Variants in ABL1 observed in about 807,000 individuals in gnomAD.
The protein encoded by ABL1 is tyrosine-protein kinase ABL1.
In ABL1, 11 loss-of-function variants were observed where a neutral mutation model predicts 94.7. That is an observed-to-expected ratio of 0.12 (90% confidence interval 0.07 to 0.19). The LOEUF is 0.19. Ranked by LOEUF, ABL1 falls within the 10% of genes least tolerant of loss-of-function variation. The pLI, the probability that ABL1 is intolerant of heterozygous loss-of-function variation, is 1.00. For synonymous variants in ABL1, 656 were observed against 622.4 expected (o/e 1.05, Z -0.80); for missense variants, 1,082 against 1,489.4 (o/e 0.73, Z 4.50).
chr9:130,726,645 A>AT (rs1165414135), intron 1 of ABL1, among the ~76,000 whole-genome samples: 3 of 151,634 alleles, frequency 2.0e-5, no homozygotes, highest in East Asian at 1.9e-4. Context: ...ACTTAAAAAA[A>AT]TTTTTTTTTG....
chr9:130,855,510 C>G (rs962830971), intron 3 of ABL1, among the ~76,000 whole-genome samples: 1 of 152,202 alleles, frequency 6.6e-6, no homozygotes, highest in African/African-American at 2.4e-5. Context: ...CCCTCCCCCA[C>G]AGACGCCTGG....
chr9:130,758,380 G>A (rs553598088), intron 1 of ABL1, among the ~76,000 whole-genome samples: 2 of 151,848 alleles, frequency 1.3e-5, no homozygotes, highest in Non-Finnish European at 2.9e-5. Flanking sequence ...GGCTGCTCTC[G>A]GAACTCCTGA....
intron 1 of ABL1, among the ~76,000 whole-genome samples, chr9:130,784,897 G>A (rs1341385779): frequency 2.0e-5 from 3 of 152,180 alleles, no homozygotes; most frequent in South Asian, 2.1e-4. Flanking sequence ...GTAGCCATCC[G>A]TGTTGGGATG....
At chr9:130,735,202 G>A (rs1408784760) in intron 1 of ABL1, among the ~76,000 whole-genome samples, 1 of 151,900 alleles carries the variant, frequency 6.6e-6, no homozygotes. Context: ...GCTAATTTTT[G>A]TATTTTTAGT....
At chr9:130,750,286 A>G (rs1831943013) in intron 1 of ABL1, among the ~76,000 whole-genome samples, 1 of 146,404 alleles carries the variant, frequency 6.8e-6, no homozygotes, top group African/African-American at 2.5e-5. Context: ...CTTTTTCATT[A>G]TGGATTTTTC....
chr9:130,789,214 G>A (rs1010328067), intron 1 of ABL1, among the ~76,000 whole-genome samples: 2 of 152,130 alleles, frequency 1.3e-5, no homozygotes, highest in African/African-American at 4.8e-5. Context: ...GAAAATGTAC[G>A]GGGGAGAAGC....
At chr9:130,808,214 T>TTTCTTCTTCTTCTTC (rs372530078) in intron 1 of ABL1, among the ~76,000 whole-genome samples, 1 of 143,012 alleles carries the variant, frequency 7.0e-6, no homozygotes, top group East Asian at 2.0e-4. Flanking sequence ...CCTAATTTCT[T>TTTCTTCTTCTTCTTC]TTCTTCTTCT....
intron 3 of ABL1, among the ~76,000 whole-genome samples, chr9:130,860,237 G>C (rs533572972): frequency 6.6e-6 from 1 of 152,218 alleles, no homozygotes; most frequent in Non-Finnish European, 1.5e-5. Flanking sequence ...AGTGGGACAC[G>C]GGGAAGATGG....
chr9:130,824,611 G>T (rs1324627159), intron 1 of ABL1, among the ~76,000 whole-genome samples: 1 of 152,156 alleles, frequency 6.6e-6, no homozygotes, highest in Non-Finnish European at 1.5e-5. Context: ...TTGCTGTAAA[G>T]AATACAGATC....
At chr9:130,798,502 T>TA (rs746813321) in intron 1 of ABL1, among the ~76,000 whole-genome samples, 1 of 152,164 alleles carries the variant, frequency 6.6e-6, no homozygotes, top group Non-Finnish European at 1.5e-5. Context: ...GATGGAGTGG[T>TA]ATTTTCCAGC....
rs749756686 is a variant in ABL1, at chr9:130,835,422, G to A, written c.-25G>A. ...GGACCGAGCTGGGAGAGGGGTTCCGGCCCCCGACGTGCTGGCGCGGGAAAA... is the reference window on the plus strand; with the variant it reads ...GGACCGAGCTGGGAGAGGGGTTCCGACCCCCGACGTGCTGGCGCGGGAAAA... On this transcript the variant is annotated 5_prime_UTR_variant, in exon 1 of 11. Coordinates refer to ENST00000318560, the MANE Select transcript of ABL1 (RefSeq NM_005157.6). The surrounding 1 kb of genome is among the most constrained non-coding windows in gnomAD (Gnocchi z 4.6). 7.4e-7 allele frequency: 1 copy of A among 1,349,024 alleles called. No individual in the cohort carries two copies. The highest frequency in any genetic ancestry group is 9.6e-7 in the Non-Finnish European group (1 of 1,044,890). The allele number at this position is 1,349,024 out of a possible 1,614,324, so 83.6% of individuals were successfully genotyped here. A position where few individuals can be genotyped will look rare whatever the true frequency, so the allele number is the denominator to read the frequency against.
At chr9:130,716,025 TACAC>T (rs3076833) in intron 1 of ABL1, among the ~76,000 whole-genome samples, 19 of 144,950 alleles carry the variant, frequency 1.3e-4, no homozygotes, top group African/African-American at 4.5e-4. Flanking sequence ...AATATATATA[TACAC>T]ACACACACAC....
At chr9:130,744,624 A>G (rs59160331) in intron 1 of ABL1, among the ~76,000 whole-genome samples, 1 of 150,342 alleles carries the variant, frequency 6.7e-6, no homozygotes, top group Non-Finnish European at 1.5e-5. Flanking sequence ...GGGCCGAGGC[A>G]GGCGGATCAC....
chr9:130,719,052 C>A (rs754724913), intron 1 of ABL1, among the ~76,000 whole-genome samples: 30 of 151,890 alleles, frequency 2.0e-4, no homozygotes, highest in Non-Finnish European at 3.8e-4. Flanking sequence ...ACAAAAATAT[C>A]TGTTTATTTG....
At chr9:130,737,421 C>A (rs377705670) in intron 1 of ABL1, among the ~76,000 whole-genome samples, 1 of 151,952 alleles carries the variant, frequency 6.6e-6, no homozygotes, top group Non-Finnish European at 1.5e-5. Context: ...GTGTGCACTA[C>A]CACACCCAGC....
At chr9:130,853,656 C>G (rs1166828563) in intron 1 of ABL1, among the ~76,000 whole-genome samples, 1 of 151,792 alleles carries the variant, frequency 6.6e-6, no homozygotes, top group Non-Finnish European at 1.5e-5. Context: ...CTCAGGTGAT[C>G]CACCCACCTT....
At chr9:130,799,200 C>T (rs1421366723) in intron 1 of ABL1, among the ~76,000 whole-genome samples, 1 of 152,070 alleles carries the variant, frequency 6.6e-6, no homozygotes, top group African/African-American at 2.4e-5. Context: ...AGCGTTTGGC[C>T]TCTTGGAGGT....
At chr9:130,876,348 G>A (rs532784733) in intron 7 of ABL1, among the ~76,000 whole-genome samples, 30 of 152,096 alleles carry the variant, frequency 2.0e-4, no homozygotes, top group African/African-American at 6.5e-4. Flanking sequence ...TGTAGGAAGA[G>A]CAGGGTCAAT....
At position 130,765,214 on chromosome 9, in the gene ABL1, C is replaced by T. The variant is rs144194875; in HGVS notation, c.136+50759C>T. ...GGTTTTTGGGTTTGCTATTTTTGGG[C>T]GAGGAGGTCCATATCCTTCATCAGC... On this transcript the variant is annotated intron_variant, in intron 1 of 10. Transcript: ENST00000372348. Among the ~76,000 whole-genome samples the T allele has an allele frequency of 4.3e-3, 659 of 152,162 alleles. 2 individuals are homozygous for T. Among genetic ancestry groups the T allele is most frequent in the African/African-American group, 0.014 (595 of 41,508 alleles).
Sources: gnomAD v4.1 joint callset for allele counts (sites outside exome capture counted in the v4.1 genomes callset) on GRCh38, gnomAD v4.1.1 for gene constraint, Gnocchi (gnomAD v3.1) non-coding constraint, MANE v1.5 for transcripts, NCBI Gene and HGNC (gene_info 2026-07-23, HGNC 2026-07-21) for gene names.